STXBP4: variants seen among roughly 807,000 people sequenced by gnomAD.
The protein encoded by STXBP4 is syntaxin-binding protein 4.
Under a neutral mutation model 76.1 loss-of-function variants are expected in STXBP4, and 55 were observed. The observed-to-expected ratio is 0.72, with a 90% CI of 0.58 to 0.91. The LOEUF is 0.91. STXBP4 is among the 40% of genes least tolerant of loss of function. STXBP4 has a pLI of 0.00. For synonymous variants in STXBP4, 201 were observed against 220.2 expected (o/e 0.91, Z 0.77); for missense variants, 618 against 636.9 (o/e 0.97, Z 0.32).
intron 16 of STXBP4, among the ~76,000 whole-genome samples, chr17:55,085,089 T>C (rs1443620219): frequency 6.6e-6 from 1 of 152,274 alleles, no homozygotes; most frequent in East Asian, 1.9e-4. Context: ...ATCATCATTC[T>C]CAGTAAACTA....
At chr17:55,079,590 T>C (rs1300431142) in intron 15 of STXBP4, among the ~76,000 whole-genome samples, 2 of 104,180 alleles carry the variant, frequency 1.9e-5, no homozygotes, top group Non-Finnish European at 3.7e-5. Flanking sequence ...AGTGGGACCC[T>C]ATCTCTACAA....
chr17:55,014,940 G>A (rs1004086438), intron 8 of STXBP4, among the ~76,000 whole-genome samples: 22 of 151,302 alleles, frequency 1.5e-4, no homozygotes, highest in African/African-American at 4.9e-4. Flanking sequence ...CGTTTGTCCC[G>A]TTCTGCCTGC....
intron 1 of STXBP4, among the ~76,000 whole-genome samples, chr17:54,970,263 T>C (rs1193702635): frequency 6.6e-6 from 1 of 152,228 alleles, no homozygotes; most frequent in African/African-American, 2.4e-5. Context: ...ATTGGAATGT[T>C]TGACACATAC....
Position 55,045,113 on chromosome 17 carries a change from A to G in STXBP4, c.945+1788A>G, listed in dbSNP as rs74953319. 1.6e-4 allele frequency among the ~76,000 whole-genome samples: 24 copies of G among 152,260 alleles called. 1 individual carries two copies. In the East Asian group the frequency reaches 4.6e-3, roughly 29 times the overall value. On this transcript the variant is annotated intron_variant, in intron 11 of 17. Transcript: ENST00000376352. ...GAAAATATAATTGCTTTATTAAAAG[A>G]TATAGACACTTAAAATTTTGCATAT...
chr17:55,186,155 C>T, the STXBP4 span, among the ~76,000 whole-genome samples: 2 of 152,174 alleles, frequency 1.3e-5, no homozygotes, highest in Non-Finnish European at 2.9e-5. Context: ...TGACACTGAA[C>T]CATACATTAA....
intron 9 of STXBP4, among the ~76,000 whole-genome samples, chr17:55,032,181 TTAAG>T (rs538072950): frequency 1.4e-4 from 22 of 152,322 alleles, no homozygotes; most frequent in African/African-American, 5.1e-4. Context: ...CTTGTCACTA[TTAAG>T]TAATTTTTTT....
chr17:55,201,404 G>A, the STXBP4 span, among the ~76,000 whole-genome samples: 1 of 151,894 alleles, frequency 6.6e-6, no homozygotes, highest in Admixed American at 6.6e-5. Flanking sequence ...GGAGAGGAAA[G>A]CAGGGGAGAG....
rs373874585 is a variant in STXBP4 at position 55,049,525 on chromosome 17, A to G, written c.1011+2371A>G. On this transcript the variant is annotated intron_variant, in intron 12 of 17. Transcript: ENST00000376352. ...AATAAATATTTAAAACTGATATCAG[A>G]TAAAAATTAGGTAAAAATAGAGGAG... 1.4e-3 allele frequency among the ~76,000 whole-genome samples: 219 copies of G among 152,124 alleles called. 7 individuals carry two copies. In the South Asian group the frequency reaches 0.044, roughly 31 times the overall value.
At chr17:55,114,369 G>C (rs2079758044) in intron 16 of STXBP4, among the ~76,000 whole-genome samples, 1 of 152,004 alleles carries the variant, frequency 6.6e-6, no homozygotes, top group Admixed American at 6.6e-5. Flanking sequence ...GCCTGGATCT[G>C]TTCTAAAAGA....
chr17:55,175,813 A>T (rs2080427983), downstream of STXBP4, among the ~76,000 whole-genome samples: 1 of 152,190 alleles, frequency 6.6e-6, no homozygotes, highest in African/African-American at 2.4e-5. Flanking sequence ...AGGCCATCCC[A>T]ATCTCACTCC....
chr17:55,197,417 C>T, the STXBP4 span, among the ~76,000 whole-genome samples: 2 of 152,358 alleles, frequency 1.3e-5, no homozygotes, highest in East Asian at 1.9e-4. Context: ...CACTAGACAA[C>T]GTACAGTGGA....
At chr17:55,126,411 A>C (rs541186906) in intron 16 of STXBP4, among the ~76,000 whole-genome samples, 1 of 152,310 alleles carries the variant, frequency 6.6e-6, no homozygotes, top group South Asian at 2.1e-4. Context: ...AACTAAATGG[A>C]AATGCTAAAA....
In STXBP4 at chr17:55,036,494, T is replaced by TTA. The variant is rs1262387110; in HGVS notation, c.855+2239_855+2240dup. ...ATTTGGTTTTACATAAAATTAATTT[T>TTA]TATATTTACCTTATATCTTACAACC... On this transcript the variant is annotated intron_variant, in intron 10 of 17. Transcript: ENST00000376352. 2.9e-4 allele frequency among the ~76,000 whole-genome samples: 44 copies of TTA among 151,900 alleles called. 1 individual carries two copies. The highest frequency in any genetic ancestry group is 6.8e-3 in the Middle Eastern group (2 of 294).
chr17:54,979,458 C>G (rs1748619924), intron 1 of STXBP4, among the ~76,000 whole-genome samples: 1 of 152,104 alleles, frequency 6.6e-6, no homozygotes, highest in South Asian at 2.1e-4. Context: ...CTTTATGCCC[C>G]TGGAAAAGCT....
intron 7 of STXBP4, among the ~76,000 whole-genome samples, chr17:55,004,144 C>T (rs947236409): frequency 6.6e-6 from 1 of 151,310 alleles, no homozygotes; most frequent in African/African-American, 2.4e-5. Flanking sequence ...GATTATGCCA[C>T]TGCACTCCAG....
chr17:55,080,925 G>C, intron 15 of STXBP4, 125 bp from the exon 16 acceptor site: 2 of 962,452 alleles, frequency 2.1e-6, no homozygotes, highest in Non-Finnish European at 2.7e-6. Context: ...TTGGTTATAT[G>C]AAATAATTTC....
intron 16 of STXBP4, among the ~76,000 whole-genome samples, chr17:55,128,339 G>A (rs564624728): frequency 6.6e-6 from 1 of 150,934 alleles, no homozygotes; most frequent in African/African-American, 2.5e-5. Flanking sequence ...ACTGCTGAGA[G>A]TGTTCAGGAA....
intron 8 of STXBP4, among the ~76,000 whole-genome samples, chr17:55,011,508 C>CTTTTTTTTTCTTTTT (rs2078109751): frequency 1.2e-5 from 1 of 85,926 alleles, no homozygotes; most frequent in Admixed American, 1.6e-4. Context: ...TTTTCTTTTT[C>CTTTTTTTTTCTTTTT]TTTTTTTTTT....
Position 55,172,861 on chromosome 17 carries a change from A to G in STXBP4, c.*12950A>G, listed in dbSNP as rs909180217. 2 of 152,224 alleles carry G rather than the reference A, an allele frequency of 1.3e-5. No individual in the cohort carries two copies. The highest frequency in any genetic ancestry group is 3.8e-4 in the East Asian group (2 of 5,206). The allele number at this position is 152,224 out of a possible 1,614,324, so 9.4% of individuals were successfully genotyped here. On this transcript the variant is annotated 3_prime_UTR_variant, in exon 18 of 18. Coordinates refer to ENST00000376352, the MANE Select transcript of STXBP4 (RefSeq NM_178509.6). ...GACAGGTAGGTCACCCTGCACCTACACAAGGACTGAGCTGAGTTCTAGTTA... is the reference window on the plus strand; with the variant it reads ...GACAGGTAGGTCACCCTGCACCTACGCAAGGACTGAGCTGAGTTCTAGTTA...
Sources: allele counts gnomAD v4.1 joint callset (sites outside exome capture counted in the v4.1 genomes callset), GRCh38; gene constraint gnomAD v4.1.1; transcripts MANE v1.5; gene names NCBI Gene and HGNC (gene_info 2026-07-23, HGNC 2026-07-21).